The following MROH7 variants were observed in gnomAD, a reference collection of about 807,000 sequenced individuals.
The protein encoded by MROH7 is maestro heat like repeat family member 7.
In MROH7, 113 loss-of-function variants were observed where a neutral mutation model predicts 129.2. The ratio of observed to expected loss-of-function variants is 0.87; its 90% CI spans 0.75 to 1.02. The LOEUF is 1.02. MROH7 is among the 50% of genes least tolerant of loss of function. The pLI, the probability that MROH7 is intolerant of heterozygous loss-of-function variation, is 0.00. For missense variants in MROH7, 1,601 were observed against 1,671.3 expected, an observed-to-expected ratio of 0.96 and a Z score of 0.73; for synonymous variants, 655 against 667.9, an observed-to-expected ratio of 0.98 and a Z score of 0.30.
chr1:54,696,248 A>G (rs112248360), intron 17 of MROH7, among the ~76,000 whole-genome samples: 42 of 152,228 alleles, frequency 2.8e-4, no homozygotes, highest in African/African-American at 1.0e-3. Context: ...TGGCAGATCC[A>G]GGATTCAAAT....
In MROH7 at chr1:54,706,429, T is replaced by C. The variant is rs1645535143; in HGVS notation, c.3565-6T>C. The stretch of plus-strand genomic sequence containing the variant: ...CCAGCACTTTTGGGGTTTCTCTTTG[T>C]CCTAGGTGAACACCCACCGAGACAG... On this transcript the variant is annotated splice_polypyrimidine_tract_variant and splice_region_variant and intron_variant, in intron 21 of 23. Coordinates refer to ENST00000421030, the MANE Select transcript of MROH7 (RefSeq NM_001039464.4). 6.2e-7 allele frequency: 1 copy of C among 1,610,284 alleles called. No homozygotes were observed. Among genetic ancestry groups the C allele is most frequent in the African/African-American group, 1.3e-5 (1 of 74,790 alleles).
At chr1:54,700,907 G>A (rs373829834) in intron 18 of MROH7, among the ~76,000 whole-genome samples, 1 of 152,336 alleles carries the variant, frequency 6.6e-6, no homozygotes, top group East Asian at 1.9e-4. Flanking sequence ...GCCAAGGAAG[G>A]GGGTAGACAG....
chr1:54,659,044 T>G (rs1285679139), intron 3 of MROH7: 3 of 400,050 alleles, frequency 7.5e-6, no homozygotes, highest in Non-Finnish European at 1.5e-5. Context: ...TTGAACTTAT[T>G]GCCAATAGAA....
chr1:54,671,065 G>A (rs906960879), intron 7 of MROH7, 136 bp downstream of exon 7: 3 of 991,560 alleles, frequency 3.0e-6, no homozygotes, highest in Admixed American at 2.9e-5. Context: ...GTAGGTACTT[G>A]ATAAATGGTG....
At chr1:54,667,285 C>T (rs546218647) in intron 4 of MROH7, among the ~76,000 whole-genome samples, 26 of 152,224 alleles carry the variant, frequency 1.7e-4, no homozygotes, top group Middle Eastern at 3.4e-3. Context: ...TTTAAGTTAC[C>T]TATTGCTATT....
chr1:54,695,250 C>T, intron 16 of MROH7, 126 bp from the exon 17 acceptor site: 1 of 621,308 alleles, frequency 1.6e-6, no homozygotes, highest in African/African-American at 1.8e-5. Flanking sequence ...GGTGGAAAAT[C>T]CTGGGAACGC....
chr1:54,658,016 G>A (rs1644675162), intron 3 of MROH7, among the ~76,000 whole-genome samples: 1 of 151,952 alleles, frequency 6.6e-6, no homozygotes, highest in South Asian at 2.1e-4. Flanking sequence ...TCATAATGTT[G>A]TGCAACTATT....
intron 14 of MROH7, among the ~76,000 whole-genome samples, chr1:54,683,046 T>C (rs1645095497): frequency 6.6e-6 from 1 of 152,090 alleles, no homozygotes; most frequent in African/African-American, 2.4e-5. Flanking sequence ...ACAGTCTAAA[T>C]CCTGGTTCTG....
chr1:54,687,312 C>T (rs1044903307), intron 15 of MROH7, among the ~76,000 whole-genome samples: 12 of 152,220 alleles, frequency 7.9e-5, no homozygotes, highest in Admixed American at 3.3e-4. Context: ...TGACCTCAGG[C>T]GATCCACCCG....
intron 21 of MROH7, among the ~76,000 whole-genome samples, chr1:54,704,512 A>C (rs1282472087): frequency 7.1e-6 from 1 of 140,790 alleles, no homozygotes; most frequent in African/African-American, 2.7e-5. Flanking sequence ...ATCTCGGCTC[A>C]CTGCAACCTC....
chr1:54,669,117 G>A (rs1370058269), intron 5 of MROH7, among the ~76,000 whole-genome samples, 180 bp downstream of exon 5: 1 of 152,042 alleles, frequency 6.6e-6, no homozygotes, highest in Non-Finnish European at 1.5e-5. Context: ...CTACACAGAG[G>A]GAGCTCAGGC....
chr1:54,682,515 T>C, intron 13 of MROH7, 141 bp from the exon 14 acceptor site: 4 of 777,008 alleles, frequency 5.1e-6, no homozygotes, highest in Non-Finnish European at 8.2e-6. Context: ...TTTGGGAGTG[T>C]TTTCTGGACT....
intron 16 of MROH7, among the ~76,000 whole-genome samples, chr1:54,693,484 T>A (rs879278663): frequency 2.0e-5 from 3 of 152,200 alleles, no homozygotes; most frequent in Admixed American, 1.3e-4. Context: ...GGCTAATTTT[T>A]ACTATAGTTA....
At chr1:54,699,106 C>CTTTCTTTCTTTCTTTCTTTCTT (rs1645374045) in intron 17 of MROH7, 1 of 62,042 alleles carries the variant, frequency 1.6e-5, no homozygotes, top group East Asian at 4.1e-4. Flanking sequence ...TTCTTTCTTT[C>CTTTCTTTCTTTCTTTCTTTCTT]TTTCTTTCTT....
At chr1:54,696,995 T>C (rs1645334408) in intron 17 of MROH7, among the ~76,000 whole-genome samples, 1 of 152,190 alleles carries the variant, frequency 6.6e-6, no homozygotes, top group Admixed American at 6.5e-5. Flanking sequence ...TTTTTAAGAC[T>C]GAATAATATT....
chr1:54,678,174 G>A (rs1034111769), intron 10 of MROH7, among the ~76,000 whole-genome samples: 32 of 152,182 alleles, frequency 2.1e-4, no homozygotes, highest in Admixed American at 5.9e-4. Flanking sequence ...CCTATGCTTA[G>A]ACTATGACCC....
Position 54,668,599 on chromosome 1 carries a change from G to C in MROH7, c.1306-255G>C, listed in dbSNP as rs138081063. Among the ~76,000 whole-genome samples the C allele has an allele frequency of 8.3e-3, 1,261 of 152,228 alleles. 20 individuals carry two copies. The highest frequency in any genetic ancestry group is 0.029 in the African/African-American group (1,198 of 41,534). ...TCCCCTCCTTAGCTGACTGGAGAAG[G>C]GGGGAGTACTTTGCAGTCCCTCATA... is the stretch of plus-strand genomic sequence containing the variant. On this transcript the variant is annotated intron_variant, in intron 4 of 23. Transcript: ENST00000421030.
chr1:54,709,161 GATGTGT>G, intron 23 of MROH7, 85 bp downstream of exon 23: 1 of 1,313,060 alleles, frequency 7.6e-7, no homozygotes, highest in Non-Finnish European at 1.1e-6. Context: ...AAAGGGAAGG[GATGTGT>G]CCCAAGACAA....
intron 15 of MROH7, among the ~76,000 whole-genome samples, chr1:54,687,577 G>A (rs1645168771): frequency 6.6e-6 from 1 of 152,090 alleles, no homozygotes. Context: ...AAGTAGAATG[G>A]GCACATCAAA....
Sources: allele counts gnomAD v4.1 joint callset (sites outside exome capture counted in the v4.1 genomes callset), GRCh38; gene constraint gnomAD v4.1.1; transcripts MANE v1.5; gene names NCBI Gene and HGNC (gene_info 2026-07-23, HGNC 2026-07-21).